The following GNB4 variants were observed in gnomAD, a reference collection of about 807,000 sequenced individuals.
The protein encoded by GNB4 is G protein subunit beta 4, also known as guanine nucleotide-binding protein subunit beta-4.
A neutral mutation model predicts 45.2 loss-of-function variants in GNB4; 28 were observed. The ratio of observed to expected loss-of-function variants is 0.62; its 90% CI spans 0.46 to 0.85. GNB4 has a LOEUF of 0.85. Among genes scored for constraint, GNB4 ranks in the 40% least tolerant of loss-of-function variants. GNB4 has a pLI of 0.00. For missense variants in GNB4, 321 were observed against 425.4 expected (o/e 0.75, Z 2.16); for synonymous variants, 132 against 143.7 (o/e 0.92, Z 0.58).
chr3:179,438,040 C>G (rs1438558243), intron 1 of GNB4: 1 of 151,934 alleles, frequency 6.6e-6, no homozygotes, highest in Non-Finnish European at 1.5e-5. Context: ...CCACTGCACT[C>G]TAGCCTGGGC....
intron 8 of GNB4, among the ~76,000 whole-genome samples, chr3:179,411,003 T>C (rs1157765582): frequency 1.3e-5 from 2 of 152,150 alleles, no homozygotes; most frequent in African/African-American, 4.8e-5. Flanking sequence ...ACTGTAAATA[T>C]ATACAATTTG....
intron 1 of GNB4, among the ~76,000 whole-genome samples, chr3:179,447,140 T>G (rs908391747): frequency 1.3e-5 from 2 of 152,004 alleles, no homozygotes; most frequent in Non-Finnish European, 2.9e-5. Context: ...AAGGACTGAA[T>G]GAAATGAGAG....
intron 1 of GNB4, among the ~76,000 whole-genome samples, chr3:179,430,404 T>G (rs1287745498): frequency 6.6e-6 from 1 of 152,058 alleles, no homozygotes; most frequent in Non-Finnish European, 1.5e-5. Flanking sequence ...CTTTCTCTTA[T>G]AATAGAATAG....
intron 2 of GNB4, among the ~76,000 whole-genome samples, 166 bp from the exon 3 acceptor site, chr3:179,421,093 A>C (rs1714967584): frequency 6.6e-6 from 1 of 152,226 alleles, no homozygotes; most frequent in South Asian, 2.1e-4. Flanking sequence ...AAACCATTTT[A>C]ACCATTTTAA....
intron 5 of GNB4, 90 bp downstream of exon 5, chr3:179,416,403 T>C (rs1714799921): frequency 1.4e-6 from 1 of 719,670 alleles, no homozygotes; most frequent in African/African-American, 1.9e-5. Context: ...CAGAAAGCAA[T>C]TTAAGTTTGA....
chr3:179,463,171 G>A, the GNB4 span, among the ~76,000 whole-genome samples: 19 of 152,218 alleles, frequency 1.2e-4, no homozygotes, highest in African/African-American at 4.3e-4. Context: ...AGCAATGTCC[G>A]TAGTCACTCG....
intron 9 of GNB4, among the ~76,000 whole-genome samples, chr3:179,401,976 T>C (rs1714316964): frequency 6.6e-6 from 1 of 151,372 alleles, no homozygotes; most frequent in South Asian, 2.1e-4. Flanking sequence ...TAAGAAAAAT[T>C]AGAATACATC....
chr3:179,440,425 T>C (rs1715565561), intron 1 of GNB4, among the ~76,000 whole-genome samples: 1 of 152,166 alleles, frequency 6.6e-6, no homozygotes, highest in Non-Finnish European at 1.5e-5. Flanking sequence ...GCAAAGTACA[T>C]GAGAAAATAC....
the GNB4 span, among the ~76,000 whole-genome samples, chr3:179,459,355 G>C: frequency 6.6e-6 from 1 of 152,216 alleles, no homozygotes; most frequent in African/African-American, 2.4e-5. Context: ...TTTCTGACCT[G>C]ATGCTTGGGT....
the GNB4 span, among the ~76,000 whole-genome samples, chr3:179,524,498 A>C: frequency 2.8e-4 from 43 of 152,126 alleles, 1 homozygote; most frequent in Non-Finnish European, 3.8e-4. Context: ...GTCTCACAAC[A>C]GAGTCAAGTA....
the GNB4 span, chr3:179,464,481 G>T: frequency 9.9e-6 from 16 of 1,611,226 alleles, no homozygotes; most frequent in Non-Finnish European, 1.4e-5. Flanking sequence ...AAGGAAACTG[G>T]CCCAGCAGAT....
intron 1 of GNB4, chr3:179,437,709 ATTTGG>A (rs2108614802): frequency 6.6e-6 from 1 of 152,314 alleles, no homozygotes; most frequent in Admixed American, 6.5e-5. Context: ...TTTCAAGAGT[ATTTGG>A]TATTTCTAAA....
the GNB4 span, among the ~76,000 whole-genome samples, chr3:179,467,771 T>C: frequency 6.6e-6 from 1 of 152,034 alleles, no homozygotes; most frequent in African/African-American, 2.4e-5. Flanking sequence ...TTGTGAGGAA[T>C]AGGTTTGCTT....
the GNB4 span, among the ~76,000 whole-genome samples, chr3:179,457,858 G>A: frequency 6.6e-6 from 1 of 151,612 alleles, no homozygotes; most frequent in East Asian, 1.9e-4. Context: ...TTTGAGCACT[G>A]AGCTACCTTT....
upstream of GNB4, among the ~76,000 whole-genome samples, chr3:179,454,112 T>C (rs1715943309): frequency 6.6e-6 from 1 of 152,188 alleles, no homozygotes. Flanking sequence ...TAGACAATTG[T>C]AGAGATGTAT....
the GNB4 span, among the ~76,000 whole-genome samples, chr3:179,469,722 A>T: frequency 6.6e-6 from 1 of 152,220 alleles, no homozygotes; most frequent in African/African-American, 2.4e-5. Flanking sequence ...ACCTTAGGAA[A>T]CCATTCTTTC....
At chr3:179,481,289 A>G in the GNB4 span, among the ~76,000 whole-genome samples, 4 of 152,326 alleles carry the variant, frequency 2.6e-5, no homozygotes, top group African/African-American at 9.6e-5. Flanking sequence ...AGCCAAAGTC[A>G]TTGCTAATGA....
the GNB4 span, among the ~76,000 whole-genome samples, chr3:179,520,622 A>G: frequency 6.6e-6 from 1 of 152,046 alleles, no homozygotes; most frequent in African/African-American, 2.4e-5. Flanking sequence ...CACCTGACGC[A>G]TATACTTTCT....
chr3:179,435,014 T>C (rs1382808532), intron 1 of GNB4, among the ~76,000 whole-genome samples: 4 of 152,066 alleles, frequency 2.6e-5, no homozygotes, highest in African/African-American at 7.2e-5. Context: ...CCAACTCTTG[T>C]ACCTGAAGTC....
Sources: allele counts gnomAD v4.1 joint callset (sites outside exome capture counted in the v4.1 genomes callset), GRCh38; gene constraint gnomAD v4.1.1; transcripts MANE v1.5; gene names NCBI Gene and HGNC (gene_info 2026-07-23, HGNC 2026-07-21).